The following ADGRL3 variants were observed in gnomAD, a reference collection of about 807,000 sequenced individuals.
ADGRL3 encodes calcium-independent alpha-latrotoxin receptor 3.
Under a neutral mutation model 153.5 loss-of-function variants are expected in ADGRL3, and 62 were observed. That is an observed-to-expected ratio of 0.40 (90% CI 0.33 to 0.50). The LOEUF (loss-of-function observed/expected upper bound fraction) is 0.50, where lower values mean the gene tolerates loss of function less well. Ranked by LOEUF, ADGRL3 falls within the 20% of genes least tolerant of loss-of-function variation. The pLI, the probability that ADGRL3 is intolerant of heterozygous loss-of-function variation, is 0.47. For missense variants in ADGRL3, 1,641 were observed against 1,859.4 expected (o/e 0.88, Z 2.16); for synonymous variants, 710 against 672.5 (o/e 1.06, Z -0.86).
chr4:61,978,359 T>G (rs2099055332), intron 17 of ADGRL3, among the ~76,000 whole-genome samples: 1 of 152,256 alleles, frequency 6.6e-6, no homozygotes, highest in Non-Finnish European at 1.5e-5. Context: ...TATTAGATTT[T>G]TGTGTATTAT....
intron 4 of ADGRL3, among the ~76,000 whole-genome samples, chr4:61,550,912 A>T (rs1156921923): frequency 6.6e-6 from 1 of 152,096 alleles, no homozygotes; most frequent in Non-Finnish European, 1.5e-5. Flanking sequence ...CTACAAATCC[A>T]GGTAATTCCT....
intron 13 of ADGRL3, among the ~76,000 whole-genome samples, chr4:61,929,845 T>C (rs1166396311): frequency 1.3e-5 from 2 of 152,068 alleles, no homozygotes; most frequent in Non-Finnish European, 2.9e-5. Flanking sequence ...GCAGATGATA[T>C]TTGAGATAAA....
intron 4 of ADGRL3, among the ~76,000 whole-genome samples, chr4:61,540,903 T>G (rs2098686834): frequency 6.6e-6 from 1 of 152,158 alleles, no homozygotes. Context: ...ATCGTTTCAC[T>G]GAACTTTTGT....
chr4:61,329,032 A>T (rs1164725214), intron 1 of ADGRL3, among the ~76,000 whole-genome samples: 2 of 152,140 alleles, frequency 1.3e-5, no homozygotes, highest in Non-Finnish European at 2.9e-5. Context: ...CATGCTTTGG[A>T]TGTGTGCCAT....
intron 21 of ADGRL3, among the ~76,000 whole-genome samples, chr4:62,010,615 G>GT (rs1369321201): frequency 6.6e-6 from 1 of 152,038 alleles, no homozygotes; most frequent in Non-Finnish European, 1.5e-5. Context: ...CTGTGAAACA[G>GT]TTTTTAAAAA....
At chr4:61,630,100 A>G (rs2093069783) in intron 5 of ADGRL3, among the ~76,000 whole-genome samples, 1 of 152,156 alleles carries the variant, frequency 6.6e-6, no homozygotes, top group African/African-American at 2.4e-5. Context: ...TCAGCACTTC[A>G]AAGTTATTAT....
chr4:61,481,486 C>G (rs543072661), intron 2 of ADGRL3, among the ~76,000 whole-genome samples: 24 of 151,852 alleles, frequency 1.6e-4, no homozygotes, highest in Non-Finnish European at 3.2e-4. Context: ...TTAAAAGAAA[C>G]AAACAAACAA....
intron 5 of ADGRL3, among the ~76,000 whole-genome samples, chr4:61,653,168 TCTCACACACA>T (rs1229833424): frequency 1.8e-5 from 1 of 55,264 alleles, no homozygotes; most frequent in African/African-American, 5.3e-5. Flanking sequence ...TCTCTCTCTC[TCTCACACACA>T]CACACACACA....
At chr4:61,488,770 T>TAAATCAC (rs2098225204) in intron 2 of ADGRL3, among the ~76,000 whole-genome samples, 1 of 152,028 alleles carries the variant, frequency 6.6e-6, no homozygotes, top group East Asian at 1.9e-4. Context: ...ATGCTGGACT[T>TAAATCAC]ATAGGTCATT....
At chr4:61,459,330 A>G (rs767094374) in intron 2 of ADGRL3, among the ~76,000 whole-genome samples, 5 of 151,716 alleles carry the variant, frequency 3.3e-5, no homozygotes, top group African/African-American at 1.2e-4. Context: ...CAAATAGATT[A>G]GAAATAAAAT....
At chr4:61,855,742 C>T (rs527869872) in intron 9 of ADGRL3, among the ~76,000 whole-genome samples, 2 of 152,078 alleles carry the variant, frequency 1.3e-5, no homozygotes, top group Admixed American at 6.6e-5. Context: ...CTAATAGTCA[C>T]CTAAATAGTG....
intron 1 of ADGRL3, among the ~76,000 whole-genome samples, chr4:61,290,781 A>G: frequency 6.6e-6 from 1 of 151,984 alleles, no homozygotes; most frequent in East Asian, 1.9e-4. Flanking sequence ...TAGTCTTCAT[A>G]TGTTCTTTTA....
intron 1 of ADGRL3, among the ~76,000 whole-genome samples, chr4:61,354,431 C>T (rs533137634): frequency 6.6e-6 from 1 of 152,134 alleles, no homozygotes; most frequent in East Asian, 1.9e-4. Flanking sequence ...CAAATAATTA[C>T]AGGATTGAAA....
At chr4:61,660,658 A>T (rs1279795781) in intron 5 of ADGRL3, among the ~76,000 whole-genome samples, 1 of 152,110 alleles carries the variant, frequency 6.6e-6, no homozygotes, top group Non-Finnish European at 1.5e-5. Context: ...AAGTATAATG[A>T]CATAGTGATA....
rs1158160570 is a variant in ADGRL3, at chr4:62,071,087, A to G, written c.*179A>G. 1 of 551,604 alleles carries G rather than the reference A, an allele frequency of 1.8e-6. No individual in the cohort carries two copies. Among genetic ancestry groups the G allele is most frequent in the African/African-American group, 1.9e-5 (1 of 53,238 alleles). The allele number at this position is 551,604 out of a possible 1,614,324, so 34.2% of individuals were successfully genotyped here. On this transcript the variant is annotated 3_prime_UTR_variant, in exon 27 of 27. Transcript: ENST00000683033. ...GGATTTTTAGGTCAGCCCAGGGGAG[A>G]AAGATAACTGCTAAAATTCCCCTGT...
At chr4:61,609,567 A>T (rs2099045242) in intron 5 of ADGRL3, among the ~76,000 whole-genome samples, 1 of 152,058 alleles carries the variant, frequency 6.6e-6, no homozygotes. Flanking sequence ...CATGTCTTAA[A>T]TCACATTATT....
intron 5 of ADGRL3, among the ~76,000 whole-genome samples, chr4:61,625,407 T>C (rs1002026264): frequency 1.3e-5 from 2 of 152,096 alleles, no homozygotes; most frequent in Admixed American, 1.3e-4. Context: ...TTGCTTTAGA[T>C]AATAATGTTG....
At chr4:61,848,020 A>T in intron 9 of ADGRL3, among the ~76,000 whole-genome samples, 1 of 9,722 alleles carries the variant, frequency 1.0e-4, no homozygotes, top group South Asian at 3.9e-3. Flanking sequence ...TATATATATA[A>T]TATAAAATAT....
At position 61,915,297 on chromosome 4, in the gene ADGRL3, T is replaced by G. The variant is rs868487001; in HGVS notation, c.2112+2540T>G. 5.4e-5 allele frequency among the ~76,000 whole-genome samples: 8 copies of G among 148,358 alleles called. No individual in the cohort carries two copies. In the South Asian group the frequency reaches 1.0e-3, roughly 19 times the overall value. ...ATATATAAATATATATCAATATATATCTGTATATATAAATATATATCAATA... is the reference window on the plus strand; with the variant it reads ...ATATATAAATATATATCAATATATAGCTGTATATATAAATATATATCAATA... On this transcript the variant is annotated intron_variant, in intron 13 of 26. Transcript: ENST00000683033.
Sources: allele counts gnomAD v4.1 joint callset (sites outside exome capture counted in the v4.1 genomes callset), GRCh38; gene constraint gnomAD v4.1.1; transcripts MANE v1.5; gene names NCBI Gene and HGNC (gene_info 2026-07-23, HGNC 2026-07-21).